Variants in NYAP1 observed in about 807,000 individuals in gnomAD.
NYAP1 encodes the protein neuronal tyrosine phosphorylated phosphoinositide-3-kinase adaptor 1.
NYAP1 carries 20 observed loss-of-function variants against 58.6 expected under a neutral mutation model. The ratio of observed to expected loss-of-function variants is 0.34; its 90% CI spans 0.24 to 0.50. The LOEUF (loss-of-function observed/expected upper bound fraction) is 0.50, where lower values mean the gene tolerates loss of function less well. Among genes scored for constraint, NYAP1 ranks in the 20% least tolerant of loss-of-function variants. The pLI, the probability that NYAP1 is intolerant of heterozygous loss-of-function variation, is 0.98. For missense variants in NYAP1, 1,150 were observed against 1,194.5 expected (o/e 0.96, Z 0.55); for synonymous variants, 572 against 523.1 (o/e 1.09, Z -1.27).
chr7:100,487,818 G>A lies in NYAP1; in HGVS notation c.431-334G>A, dbSNP rs1563188247. On this transcript the variant is annotated intron_variant, in intron 3 of 6. Coordinates refer to ENST00000300179, the MANE Select transcript of NYAP1 (RefSeq NM_173564.4). This position sits in a 1 kb window ranked among gnomAD's most constrained non-coding sequence, Gnocchi z 4.1. Reference sequence around the variant, plus strand: ...CACTGTGCTTGGCCAATTAATTGACGTTTTAAAAAGACCAAGGGCTGACTA... The same window carrying A: ...CACTGTGCTTGGCCAATTAATTGACATTTTAAAAAGACCAAGGGCTGACTA... Among the ~76,000 whole-genome samples the A allele has an allele frequency of 2.4e-4, 37 of 152,074 alleles. No individual in the cohort carries two copies. Among genetic ancestry groups the A allele is most frequent in the Admixed American group, 2.4e-3 (37 of 15,252 alleles).
chr7:100,493,614 G>A, intron 6 of NYAP1, 32 bp from the exon 7 acceptor site: 1 of 1,539,076 alleles, frequency 6.5e-7, no homozygotes, highest in South Asian at 1.2e-5. Context: ...GACCTTACCC[G>A]CGTTTTCCTT....
intron 1 of NYAP1, among the ~76,000 whole-genome samples, chr7:100,484,262 G>A (rs1484671633): frequency 1.3e-5 from 2 of 152,080 alleles, no homozygotes; most frequent in East Asian, 3.9e-4. Context: ...AAAGAAGAGT[G>A]TGGGTTTGGG....
Position 100,486,739 on chromosome 7 carries a change from T to C in NYAP1, c.69-82T>C. The C allele has an allele frequency of 7.2e-7, 1 of 1,390,656 alleles. No individual in the cohort carries two copies. The highest frequency in any genetic ancestry group is 9.3e-7 in the Non-Finnish European group (1 of 1,074,410). The allele number at this position is 1,390,656 out of a possible 1,614,324, so 86.1% of individuals were successfully genotyped here. ...CCTCTTCCCTGGGAAGCCACAGGGT[T>C]GCTGACACCTCTTGGGGTGGAGAAG... On this transcript the variant is annotated intron_variant, in intron 2 of 6. Coordinates refer to ENST00000300179, the MANE Select transcript of NYAP1 (RefSeq NM_173564.4). This position sits in a 1 kb window ranked among gnomAD's most constrained non-coding sequence, Gnocchi z 6.2.
At chr7:100,493,530 C>A in intron 6 of NYAP1, 116 bp from the exon 7 acceptor site, 2 of 932,900 alleles carry the variant, frequency 2.1e-6, no homozygotes, top group South Asian at 1.8e-5. Flanking sequence ...CGTTGGGGGG[C>A]AAGCAAGGAC....
In NYAP1 at chr7:100,488,153, C is replaced by T. The variant is rs757413633; in HGVS notation, c.432C>T (p.Gly144=). The part of the protein sequence containing the change: ...GAETPPSKKA[G]SQKPTPEGRE... The stretch of plus-strand genomic sequence containing the variant: ...TTTTCTCTTTCTTGTCCTGTCCAGG[C>T]TCACAGAAGCCAACCCCAGAGGGCC... Residue 144 remains glycine, a splice_region_variant and synonymous_variant, in exon 4 of 7, where the codon GGC becomes GGT. Transcript: ENST00000300179. The surrounding 1 kb of genome is among the most constrained non-coding windows in gnomAD (Gnocchi z 5.9). 2.5e-5 allele frequency: 40 copies of T among 1,584,744 alleles called. No homozygotes were observed. Among genetic ancestry groups the T allele is most frequent in the Non-Finnish European group, 8.6e-7 (1 of 1,168,858 alleles).
In NYAP1 at chr7:100,489,685, G is replaced by A; in HGVS notation, c.1945+19G>A. The A allele has an allele frequency of 2.1e-6, 3 of 1,424,800 alleles. No homozygotes were observed. The highest frequency in any genetic ancestry group is 1.4e-5 in the South Asian group (1 of 70,086). The allele number at this position is 1,424,800 out of a possible 1,614,324, so 88.3% of individuals were successfully genotyped here. A position where few individuals can be genotyped will look rare whatever the true frequency, so the allele number is the denominator to read the frequency against. On this transcript the variant is annotated intron_variant, in intron 4 of 6. Transcript: ENST00000300179. ...TTGGACAGTGAGTGAGGGGTGGGGAGTGGGGGCTGGCATCAGGGGTGGGGG... is the reference window on the plus strand; with the variant it reads ...TTGGACAGTGAGTGAGGGGTGGGGAATGGGGGCTGGCATCAGGGGTGGGGG...
At position 100,488,006 on chromosome 7, in the gene NYAP1, C is replaced by T; in HGVS notation, c.431-146C>T. 6.6e-6 allele frequency: 4 copies of T among 607,884 alleles called. No individual in the cohort carries two copies. The highest frequency in any genetic ancestry group is 5.7e-5 in the East Asian group (2 of 35,126). The allele number at this position is 607,884 out of a possible 1,614,324, so 37.7% of individuals were successfully genotyped here. A position where few individuals can be genotyped will look rare whatever the true frequency, so the allele number is the denominator to read the frequency against. On this transcript the variant is annotated intron_variant, in intron 3 of 6. Transcript: ENST00000300179. The surrounding 1 kb of genome is among the most constrained non-coding windows in gnomAD (Gnocchi z 5.9). ...AAAAATAAAAAAGAAATGAAGAAACCTCCTGGGGCTGTAAGTTGAGGAATG... is the reference window on the plus strand; with the variant it reads ...AAAAATAAAAAAGAAATGAAGAAACTTCCTGGGGCTGTAAGTTGAGGAATG...
rs767195579 is a variant in NYAP1 at position 100,488,525 on chromosome 7, G to T, written c.804G>T (p.Leu268=). Reference sequence around the variant, plus strand: ...TCTATGAAGAGATGAAGTACCCGCTGCCGGAAGAGGCTGGGGAAGGCCGGG... The same window carrying T: ...TCTATGAAGAGATGAAGTACCCGCTTCCGGAAGAGGCTGGGGAAGGCCGGG... The part of the protein sequence containing the change: ...EAIYEEMKYP[L]PEEAGEGRAN... Residue 268 remains leucine, a synonymous_variant, in exon 4 of 7, where the codon CTG becomes CTT. Transcript: ENST00000300179. This position sits in a 1 kb window ranked among gnomAD's most constrained non-coding sequence, Gnocchi z 5.9. 2.0e-5 allele frequency: 33 copies of T among 1,612,332 alleles called. No homozygotes were observed. Among genetic ancestry groups the T allele is most frequent in the Non-Finnish European group, 2.6e-5 (31 of 1,179,818 alleles).
In NYAP1 at chr7:100,485,719, C is replaced by T. The variant is rs1799693788; in HGVS notation, c.68+340C>T. 6.6e-6 allele frequency among the ~76,000 whole-genome samples: 1 copy of T among 152,176 alleles called. No individual in the cohort carries two copies. Among genetic ancestry groups the T allele is most frequent in the African/African-American group, 2.4e-5 (1 of 41,436 alleles). ...CACCTGACCTTGGAAGGGGCAGGCCCCGCCTCTCTCCCAGGGTCTAGGGAA... is the reference window on the plus strand; with the variant it reads ...CACCTGACCTTGGAAGGGGCAGGCCTCGCCTCTCTCCCAGGGTCTAGGGAA... On this transcript the variant is annotated intron_variant, in intron 2 of 6. Coordinates refer to ENST00000300179, the MANE Select transcript of NYAP1 (RefSeq NM_173564.4). This position sits in a 1 kb window ranked among gnomAD's most constrained non-coding sequence, Gnocchi z 5.7.
intron 6 of NYAP1, among the ~76,000 whole-genome samples, chr7:100,491,558 C>T (rs1046734299): frequency 2.0e-5 from 3 of 151,164 alleles, no homozygotes; most frequent in Admixed American, 1.3e-4. Flanking sequence ...GATCACGCTA[C>T]TGCGTTCCAG....
chr7:100,493,727 G>T lies in NYAP1; in HGVS notation c.2350G>T (p.Glu784Ter). The T allele has an allele frequency of 6.2e-7, 1 of 1,602,738 alleles. No individual in the cohort carries two copies. The change falls in exon 7 of 7, where the codon GAG (glutamate) becomes TAG (stop). Residue 784 changes from glutamate to a stop codon, truncating the protein, a stop_gained. Coordinates refer to ENST00000300179, the MANE Select transcript of NYAP1 (RefSeq NM_173564.4). LOFTEE classifies it high-confidence loss of function. The part of the protein sequence containing the change: ...ERDGKLLEVI[E>*]RKRCVCKEIK... Reference sequence around the variant, plus strand: ...TGACGGGAAGCTGCTGGAGGTGATCGAGCGCAAGCGCTGCGTGTGCAAGGA... The same window carrying T: ...TGACGGGAAGCTGCTGGAGGTGATCTAGCGCAAGCGCTGCGTGTGCAAGGA...
Position 100,488,565 on chromosome 7 carries a change from C to A in NYAP1, c.844C>A (p.Pro282Thr), listed in dbSNP as rs779195344. Residue 282 changes from proline to threonine, a missense_variant, in exon 4 of 7, where the codon CCA (proline) becomes ACA (threonine). Transcript: ENST00000300179. This position sits in a 1 kb window ranked among gnomAD's most constrained non-coding sequence, Gnocchi z 5.9. ...AGEGRANGPP[P>T]LTATSPPQQP... Reference sequence around the variant, plus strand: ...GGAAGGCCGGGCCAATGGCCCTCCACCATTGACGGCAACATCCCCGCCACA... The same window carrying A: ...GGAAGGCCGGGCCAATGGCCCTCCAACATTGACGGCAACATCCCCGCCACA... The A allele has an allele frequency of 6.2e-7, 1 of 1,607,660 alleles. No individual in the cohort carries two copies. The highest frequency in any genetic ancestry group is 2.2e-5 in the East Asian group (1 of 44,866).
chr7:100,487,020 A>T lies in NYAP1; in HGVS notation c.268A>T (p.Ser90Cys), dbSNP rs1799713467. 1 of 1,608,732 alleles carries T rather than the reference A, an allele frequency of 6.2e-7. No individual in the cohort carries two copies. The highest frequency in any genetic ancestry group is 8.5e-7 in the Non-Finnish European group (1 of 1,177,496). Residue 90 changes from serine (S) to cysteine (C), a missense_variant, in exon 3 of 7, where the codon AGC becomes TGC. Coordinates refer to ENST00000300179, the MANE Select transcript of NYAP1 (RefSeq NM_173564.4). This position sits in a 1 kb window ranked among gnomAD's most constrained non-coding sequence, Gnocchi z 4.1. Reference sequence around the variant, plus strand: ...CTCCCTCTCCTGCCACTCGGTGGGCAGCATGGACAGTGTCGGGGGTGGCCC... The same window carrying T: ...CTCCCTCTCCTGCCACTCGGTGGGCTGCATGGACAGTGTCGGGGGTGGCCC... ...PRSLSCHSVGSMDSVGGGPGG... is the reference protein window; with the variant it reads ...PRSLSCHSVGCMDSVGGGPGG...
rs1799695208 is a variant in NYAP1 at position 100,485,845 on chromosome 7, G to T, written c.68+466G>T. Among the ~76,000 whole-genome samples the T allele has an allele frequency of 6.6e-6, 1 of 152,148 alleles. No individual in the cohort carries two copies. Among genetic ancestry groups the T allele is most frequent in the Non-Finnish European group, 1.5e-5 (1 of 68,000 alleles). On this transcript the variant is annotated intron_variant, in intron 2 of 6. Transcript: ENST00000300179. The surrounding 1 kb of genome is among the most constrained non-coding windows in gnomAD (Gnocchi z 5.7). ...CAAGTGATGGGGTTGTGTGTGTGGT[G>T]GGCAGACATGCAGGCTGGGCCTTGC... is the stretch of plus-strand genomic sequence containing the variant.
In NYAP1 at chr7:100,489,432, G is replaced by A. The variant is rs1449322626; in HGVS notation, c.1711G>A (p.Gly571Arg). 6.2e-7 allele frequency: 1 copy of A among 1,612,974 alleles called. No individual in the cohort carries two copies. Among genetic ancestry groups the A allele is most frequent in the African/African-American group, 1.3e-5 (1 of 75,014 alleles). The part of the protein sequence containing the change: ...PPAYESLKAG[G>R]VLNKGCGVGA... ...TGCCTATGAGAGCCTCAAGGCTGGG[G>A]GGGTGCTGAATAAGGGCTGTGGTGT... Residue 571 changes from glycine (G) to arginine (R), a missense_variant, in exon 4 of 7, where the codon GGG (glycine) becomes AGG (arginine). By Grantham distance (125) the Gly-to-Arg change is moderately radical. Transcript: ENST00000300179.
In NYAP1 at chr7:100,488,009, C is replaced by T; in HGVS notation, c.431-143C>T. 1.6e-6 allele frequency: 1 copy of T among 615,882 alleles called. No individual in the cohort carries two copies. Among genetic ancestry groups the T allele is most frequent in the Non-Finnish European group, 2.8e-6 (1 of 355,182 alleles). 38.2% of individuals were successfully genotyped at this position (615,882 alleles called of 1,614,324 possible). A position where few individuals can be genotyped will look rare whatever the true frequency, so the allele number is the denominator to read the frequency against. ...AATAAAAAAGAAATGAAGAAACCTC[C>T]TGGGGCTGTAAGTTGAGGAATGTGG... is the stretch of plus-strand genomic sequence containing the variant. On this transcript the variant is annotated intron_variant, in intron 3 of 6. Coordinates refer to ENST00000300179, the MANE Select transcript of NYAP1 (RefSeq NM_173564.4). This position sits in a 1 kb window ranked among gnomAD's most constrained non-coding sequence, Gnocchi z 5.9.
At position 100,485,226 on chromosome 7, in the gene NYAP1, AGT is replaced by A; in HGVS notation, c.-84_-83del. 8.3e-6 allele frequency: 3 copies of A among 363,604 alleles called. No individual in the cohort carries two copies. Among genetic ancestry groups the A allele is most frequent in the Admixed American group, 4.8e-5 (1 of 20,622 alleles). 22.5% of individuals were successfully genotyped at this position (363,604 alleles called of 1,614,324 possible). On this transcript the variant is annotated splice_acceptor_variant and 5_prime_UTR_variant, in exon 2 of 7. Transcript: ENST00000300179. LOFTEE classifies it low-confidence loss of function (5UTR_SPLICE). The surrounding 1 kb of genome is among the most constrained non-coding windows in gnomAD (Gnocchi z 5.7). The stretch of plus-strand genomic sequence containing the variant: ...TCCGTTCTCACCCACCCCGCCCGCC[AGT>A]GGATCCGGGACCCAGGGAGGGCCGC...
chr7:100,488,882 T>G lies in NYAP1; in HGVS notation c.1161T>G (p.Pro387=). The G allele has an allele frequency of 6.3e-7, 1 of 1,598,676 alleles. No homozygotes were observed. Among genetic ancestry groups the G allele is most frequent in the Non-Finnish European group, 8.5e-7 (1 of 1,175,152 alleles). The change falls in exon 4 of 7, where the codon CCT becomes CCG. Residue 387 remains proline, a synonymous_variant. Coordinates refer to ENST00000300179, the MANE Select transcript of NYAP1 (RefSeq NM_173564.4). The surrounding 1 kb of genome is among the most constrained non-coding windows in gnomAD (Gnocchi z 5.9). ...AGCGGGAGACGCCTCCCCCACCGCC[T>G]CCACCTCCTGCTGCCAACCTGCTGC... The part of the protein sequence containing the change: ...ARERETPPPP[P]PPPAANLLLL...
chr7:100,488,702 C>T lies in NYAP1; in HGVS notation c.981C>T (p.Phe327=), dbSNP rs202155758. 510 of 1,611,650 alleles carry T rather than the reference C, an allele frequency of 3.2e-4. 1 individual carries two copies. Among genetic ancestry groups the T allele is most frequent in the Middle Eastern group, 8.2e-4 (5 of 6,072 alleles). The change falls in exon 4 of 7, where the codon TTC becomes TTT. Residue 327 remains phenylalanine (F), a synonymous_variant. Transcript: ENST00000300179. This position sits in a 1 kb window ranked among gnomAD's most constrained non-coding sequence, Gnocchi z 5.9. ...CTCCTTGTGAAATCCCCCCGCCCTT[C>T]CCCAACCTCCTTCAGCACCGGCCTC... ...KTTPCEIPPP[F]PNLLQHRPPL...
Sources: allele counts gnomAD v4.1 joint callset (sites outside exome capture counted in the v4.1 genomes callset), GRCh38; gene constraint gnomAD v4.1.1; non-coding constraint Gnocchi (gnomAD v3.1); transcripts MANE v1.5; gene names NCBI Gene and HGNC (gene_info 2026-07-23, HGNC 2026-07-21).